DTNB: variants seen among roughly 807,000 people sequenced by gnomAD.
DTNB encodes the protein dystrobrevin beta, also known as DTN-B.
DTNB carries 63 observed loss-of-function variants against 90.7 expected under a neutral mutation model. The observed-to-expected ratio is 0.69, with a 90% CI of 0.57 to 0.86. The LOEUF is 0.86. Among genes scored for constraint, DTNB ranks in the 40% least tolerant of loss-of-function variants. The pLI is 0.00. For missense variants in DTNB, 744 were observed against 807.1 expected, an observed-to-expected ratio of 0.92 and a Z score of 0.95; for synonymous variants, 277 against 286.7, an observed-to-expected ratio of 0.97 and a Z score of 0.34.
intron 10 of DTNB, among the ~76,000 whole-genome samples, chr2:25,475,828 A>G (rs991525198): frequency 6.6e-6 from 1 of 152,200 alleles, no homozygotes; most frequent in African/African-American, 2.4e-5. Flanking sequence ...ACTCCATAAA[A>G]GGAAGAATAA....
intron 6 of DTNB, among the ~76,000 whole-genome samples, chr2:25,586,622 G>A (rs2062481523): frequency 6.6e-6 from 1 of 152,028 alleles, no homozygotes; most frequent in Admixed American, 6.6e-5. Context: ...AGGAGAGCAA[G>A]GTCCCTCCCT....
intron 2 of DTNB, among the ~76,000 whole-genome samples, chr2:25,639,779 T>C (rs960274206): frequency 2.6e-5 from 4 of 152,146 alleles, no homozygotes; most frequent in Admixed American, 1.3e-4. Flanking sequence ...CTTCTGGAGA[T>C]AGATGATAAC....
intron 10 of DTNB, among the ~76,000 whole-genome samples, chr2:25,459,469 T>C (rs906051401): frequency 1.6e-4 from 24 of 152,158 alleles, no homozygotes; most frequent in African/African-American, 5.6e-4. Flanking sequence ...TGAGAAGCTA[T>C]TGAGAGGTGA....
At chr2:25,632,901 T>TA (rs983312514) in intron 3 of DTNB, among the ~76,000 whole-genome samples, 1 of 152,142 alleles carries the variant, frequency 6.6e-6, no homozygotes, top group African/African-American at 2.4e-5. Context: ...GGGAATGAGA[T>TA]AAAAAATGCC....
intron 6 of DTNB, among the ~76,000 whole-genome samples, chr2:25,583,981 C>G (rs1408659641): frequency 6.6e-6 from 1 of 152,134 alleles, no homozygotes; most frequent in Non-Finnish European, 1.5e-5. Flanking sequence ...ACTAGCAGAG[C>G]CATGTCCAAG....
intron 8 of DTNB, among the ~76,000 whole-genome samples, chr2:25,546,043 A>C (rs1200198898): frequency 6.6e-6 from 1 of 152,196 alleles, no homozygotes; most frequent in Non-Finnish European, 1.5e-5. Context: ...GAGGTCACAC[A>C]CATACTCTGC....
chr2:25,544,609 T>TA (rs1287774191), intron 8 of DTNB, among the ~76,000 whole-genome samples: 1 of 152,204 alleles, frequency 6.6e-6, no homozygotes, highest in African/African-American at 2.4e-5. Flanking sequence ...CAAAGCCTGC[T>TA]AAAGCCTCAG....
intron 7 of DTNB, among the ~76,000 whole-genome samples, chr2:25,580,439 T>C (rs1469757861): frequency 1.3e-5 from 2 of 151,372 alleles, no homozygotes; most frequent in Non-Finnish European, 2.9e-5. Flanking sequence ...CAGAATTGCT[T>C]GAACTCGGAA....
intron 8 of DTNB, among the ~76,000 whole-genome samples, chr2:25,558,037 G>T (rs2057661855): frequency 6.6e-6 from 1 of 152,192 alleles, no homozygotes; most frequent in African/African-American, 2.4e-5. Context: ...AGCCGGAACT[G>T]TGAGAAAACA....
chr2:25,631,840 A>T (rs537815767), intron 3 of DTNB, among the ~76,000 whole-genome samples: 1 of 152,322 alleles, frequency 6.6e-6, no homozygotes, highest in Non-Finnish European at 1.5e-5. Context: ...TATAAAGTAC[A>T]GCCTCCACTG....
At chr2:25,632,784 T>C (rs1181972316) in intron 3 of DTNB, among the ~76,000 whole-genome samples, 4 of 152,194 alleles carry the variant, frequency 2.6e-5, no homozygotes, top group Non-Finnish European at 5.9e-5. Flanking sequence ...CAGTTTCAGG[T>C]ACTCTCTTAT....
At chr2:25,461,620 T>C (rs2060961297) in intron 10 of DTNB, among the ~76,000 whole-genome samples, 1 of 152,150 alleles carries the variant, frequency 6.6e-6, no homozygotes, top group South Asian at 2.1e-4. Flanking sequence ...AAATACCCAA[T>C]AGTTCTAACA....
chr2:25,665,932 G>A (rs931326062), intron 1 of DTNB, among the ~76,000 whole-genome samples: 6 of 152,014 alleles, frequency 3.9e-5, no homozygotes, highest in South Asian at 2.1e-4. Flanking sequence ...ATAACCTCAC[G>A]GGGCTGTGGT....
chr2:25,569,418 C>T (rs2151274741), intron 8 of DTNB, among the ~76,000 whole-genome samples: 1 of 152,318 alleles, frequency 6.6e-6, no homozygotes, highest in African/African-American at 2.4e-5. Context: ...TTACTGTCCA[C>T]TCTCTTATTT....
intron 8 of DTNB, among the ~76,000 whole-genome samples, chr2:25,545,030 T>C (rs540749690): frequency 1.3e-5 from 2 of 152,334 alleles, no homozygotes; most frequent in South Asian, 4.1e-4. Flanking sequence ...ACCCTTTATA[T>C]CCTTTACTCA....
intron 1 of DTNB, among the ~76,000 whole-genome samples, chr2:25,664,295 G>A (rs2083889654): frequency 6.6e-6 from 1 of 152,134 alleles, no homozygotes; most frequent in East Asian, 1.9e-4. Flanking sequence ...ACGTGTATTT[G>A]TATTATTACT....
intron 12 of DTNB, among the ~76,000 whole-genome samples, chr2:25,435,536 T>C (rs1456684478): frequency 1.3e-5 from 2 of 152,230 alleles, no homozygotes; most frequent in Non-Finnish European, 2.9e-5. Flanking sequence ...CAAAATGTTT[T>C]TAAAGTTCAC....
At chr2:25,480,638 T>C (rs987071400) in intron 10 of DTNB, among the ~76,000 whole-genome samples, 4 of 152,364 alleles carry the variant, frequency 2.6e-5, no homozygotes, top group East Asian at 3.9e-4. Context: ...CATTCAGCTG[T>C]GGTCGCCCTC....
At chr2:25,567,557 A>G (rs954694578) in intron 8 of DTNB, among the ~76,000 whole-genome samples, 2 of 152,220 alleles carry the variant, frequency 1.3e-5, no homozygotes, top group Non-Finnish European at 2.9e-5. Flanking sequence ...TTTATAGAAG[A>G]TTTTGAAGAA....
Sources: allele counts gnomAD v4.1 joint callset (sites outside exome capture counted in the v4.1 genomes callset), GRCh38; gene constraint gnomAD v4.1.1; transcripts MANE v1.5; gene names NCBI Gene and HGNC (gene_info 2026-07-23, HGNC 2026-07-21).